Variants in DDX59 observed in about 807,000 individuals in gnomAD.
The protein encoded by DDX59 is DEAD-box helicase 59.
A neutral mutation model predicts 51.9 loss-of-function variants in DDX59; 30 were observed. That is an observed-to-expected ratio of 0.58 (90% CI 0.43 to 0.78). DDX59 has a LOEUF of 0.78. Among genes scored for constraint, DDX59 ranks in the 30% least tolerant of loss-of-function variants. The pLI is 0.00. For missense variants in DDX59, 672 were observed against 730.8 expected (o/e 0.92, Z 0.93); for synonymous variants, 255 against 253.3 (o/e 1.01, Z -0.06).
intron 2 of DDX59, among the ~76,000 whole-genome samples, chr1:200,664,676 C>T (rs1662600039): frequency 6.6e-6 from 1 of 151,680 alleles, no homozygotes; most frequent in African/African-American, 2.4e-5. Flanking sequence ...CTCTCTTTGC[C>T]CACTTTTTTT....
intron 5 of DDX59, among the ~76,000 whole-genome samples, chr1:200,649,894 G>T (rs993300518): frequency 6.7e-6 from 1 of 149,464 alleles, no homozygotes; most frequent in Non-Finnish European, 1.5e-5. Flanking sequence ...CCAGGCTGGA[G>T]TGCAGTGGCG....
chr1:200,640,817 A>G (rs1175353605), downstream of DDX59: 1 of 153,304 alleles, frequency 6.5e-6, no homozygotes, highest in Non-Finnish European at 1.5e-5. Context: ...CAAATTTTTC[A>G]AAGCTAAAAT....
intron 5 of DDX59, among the ~76,000 whole-genome samples, chr1:200,649,986 G>T (rs1021787294): frequency 7.2e-5 from 11 of 151,854 alleles, no homozygotes; most frequent in Non-Finnish European, 1.6e-4. Context: ...GGGACTACAG[G>T]CCTGTGCCAC....
intron 5 of DDX59, 114 bp from the exon 6 acceptor site, chr1:200,649,340 A>G: frequency 9.0e-7 from 1 of 1,113,336 alleles, no homozygotes. Flanking sequence ...AATATTGTTA[A>G]GAAGGAGGCT....
chr1:200,658,955 T>G, intron 4 of DDX59, 72 bp downstream of exon 4: 1 of 1,295,960 alleles, frequency 7.7e-7, no homozygotes. Context: ...GAACATACAA[T>G]GAAATTATAT....
chr1:200,665,887 C>T, intron 2 of DDX59, 50 bp downstream of exon 2: 3 of 1,502,772 alleles, frequency 2.0e-6, no homozygotes, highest in Non-Finnish European at 2.7e-6. Context: ...TGGTAAATAC[C>T]TCACTTGTTT....
intron 7 of DDX59, among the ~76,000 whole-genome samples, chr1:200,647,316 A>C (rs1166791889): frequency 6.6e-6 from 1 of 152,314 alleles, no homozygotes; most frequent in Admixed American, 6.5e-5. Context: ...AAGAAAGAAA[A>C]CTTTCAAAAG....
intron 4 of DDX59, among the ~76,000 whole-genome samples, chr1:200,652,560 G>T (rs1661734337): frequency 6.6e-6 from 1 of 151,730 alleles, no homozygotes; most frequent in Non-Finnish European, 1.5e-5. Context: ...GTAGAGATGG[G>T]GTTTTGCTAT....
intron 3 of DDX59, 95 bp downstream of exon 3, chr1:200,663,824 T>A: frequency 8.2e-7 from 1 of 1,219,252 alleles, no homozygotes; most frequent in Non-Finnish European, 1.1e-6. Flanking sequence ...CTCTCTAAAA[T>A]CATACTTTTA....
chr1:200,665,940 G>T lies in DDX59; in HGVS notation c.801C>A (p.Phe267Leu). Residue 267 changes from phenylalanine to leucine, a missense_variant, in exon 2 of 8, where the codon TTC (phenylalanine) becomes TTA (leucine). Coordinates refer to ENST00000331314, the MANE Select transcript of DDX59 (RefSeq NM_001031725.6). ...GAACTCTATTATTAACACTTACCTC[G>T]AATAAAGCTCGCATGATAACAGGAA... ...FLLPVIMRAL[F>L]ESKTPSALIL... The T allele has an allele frequency of 6.3e-7, 1 of 1,599,546 alleles. No individual in the cohort carries two copies. The highest frequency in any genetic ancestry group is 8.5e-7 in the Non-Finnish European group (1 of 1,173,018).
intron 2 of DDX59, among the ~76,000 whole-genome samples, chr1:200,665,718 A>G (rs1162943086): frequency 6.6e-6 from 1 of 152,232 alleles, no homozygotes; most frequent in African/African-American, 2.4e-5. Flanking sequence ...TAGATCGTCA[A>G]TAAAGAGATC....
chr1:200,664,158 A>C (rs2102919142), intron 2 of DDX59, 72 bp from the exon 3 acceptor site: 1 of 1,512,696 alleles, frequency 6.6e-7, no homozygotes, highest in African/African-American at 1.4e-5. Context: ...AAATCTTCAC[A>C]AGGATTCCAG....
Position 200,668,505 on chromosome 1 carries a change from A to G in DDX59, c.-12+1262T>C, listed in dbSNP as rs549973184. 1.9e-3 allele frequency among the ~76,000 whole-genome samples: 231 copies of G among 119,220 alleles called. 1 individual carries two copies. Among genetic ancestry groups the G allele is most frequent in the African/African-American group, 7.5e-3 (226 of 29,960 alleles). The allele number at this position is 119,220 out of a possible 152,430, so 78.2% of individuals were successfully genotyped here. On this transcript the variant is annotated intron_variant, in intron 1 of 7. Coordinates refer to ENST00000331314, the MANE Select transcript of DDX59 (RefSeq NM_001031725.6). The stretch of plus-strand genomic sequence containing the variant: ...CCTACAAACCATAAATTCTCATCAG[A>G]TGGGTTTTATTTAACCCTGTATATC...
At chr1:200,654,220 T>C (rs1661859110) in intron 4 of DDX59, among the ~76,000 whole-genome samples, 1 of 152,116 alleles carries the variant, frequency 6.6e-6, no homozygotes, top group African/African-American at 2.4e-5. Context: ...GAGACTATCC[T>C]GGCTAACACG....
intron 1 of DDX59, 22 bp from the exon 2 acceptor site, chr1:200,666,773 G>A: frequency 6.4e-7 from 1 of 1,571,154 alleles, no homozygotes. Flanking sequence ...ATTATATAAT[G>A]AGATTTATTG....
downstream of DDX59, among the ~76,000 whole-genome samples, chr1:200,642,085 A>G (rs1474603505): frequency 6.6e-6 from 1 of 152,206 alleles, no homozygotes; most frequent in African/African-American, 2.4e-5. Flanking sequence ...AGTATCTTAT[A>G]AAGTGGCACT....
intron 7 of DDX59, among the ~76,000 whole-genome samples, chr1:200,647,287 T>TAC (rs1661350988): frequency 6.6e-6 from 1 of 152,124 alleles, no homozygotes; most frequent in South Asian, 2.1e-4. Context: ...AAGCTATTGT[T>TAC]ACCTTTGGCA....
At chr1:200,661,450 T>A (rs993194137) in intron 3 of DDX59, among the ~76,000 whole-genome samples, 1 of 152,214 alleles carries the variant, frequency 6.6e-6, no homozygotes, top group South Asian at 2.1e-4. Context: ...GAAAAGGACA[T>A]ACTGATACTC....
chr1:200,656,021 G>C (rs1217474623), intron 4 of DDX59, among the ~76,000 whole-genome samples: 1 of 152,124 alleles, frequency 6.6e-6, no homozygotes, highest in Non-Finnish European at 1.5e-5. Flanking sequence ...GTAAAGATGG[G>C]GTTTCTCCAT....
Sources: gnomAD v4.1 joint callset for allele counts (sites outside exome capture counted in the v4.1 genomes callset) on GRCh38, gnomAD v4.1.1 for gene constraint, MANE v1.5 for transcripts, NCBI Gene and HGNC (gene_info 2026-07-23, HGNC 2026-07-21) for gene names.